VASH2: variants seen among roughly 807,000 people sequenced by gnomAD.
VASH2 encodes the protein vasohibin 2.
VASH2 carries 28 observed loss-of-function variants against 37.2 expected under a neutral mutation model. The observed-to-expected ratio is 0.75, with a 90% CI of 0.56 to 1.03. The LOEUF (loss-of-function observed/expected upper bound fraction) is 1.03, where lower values mean the gene tolerates loss of function less well. VASH2 is among the 50% of genes least tolerant of loss of function. The pLI is 0.00. For synonymous variants in VASH2, 188 were observed against 174.7 expected (o/e 1.08, Z -0.60); for missense variants, 419 against 459.1 (o/e 0.91, Z 0.80).
At chr1:212,954,782 G>A (rs1049025823) in intron 2 of VASH2, among the ~76,000 whole-genome samples, 4 of 152,142 alleles carry the variant, frequency 2.6e-5, no homozygotes, top group Non-Finnish European at 5.9e-5. Flanking sequence ...AGAAGGTTAC[G>A]CGAAAACTGC....
intron 5 of VASH2, chr1:212,967,365 A>G: frequency 1.7e-6 from 2 of 1,210,706 alleles, no homozygotes; most frequent in Non-Finnish European, 2.1e-6. Context: ...ACAGCCTTTG[A>G]GCCTGATCTG....
chr1:212,959,738 A>T (rs1666613012), intron 2 of VASH2, among the ~76,000 whole-genome samples: 1 of 152,342 alleles, frequency 6.6e-6, no homozygotes, highest in South Asian at 2.1e-4. Context: ...AGCCTTAGGC[A>T]GTGTCTGCCT....
Position 212,974,020 on chromosome 1 carries a change from C to T in VASH2, c.945C>T (p.Pro315=), listed in dbSNP as rs148629907. 3 of 1,613,786 alleles carry T rather than the reference C, an allele frequency of 1.9e-6. No individual in the cohort carries two copies. The highest frequency in any genetic ancestry group is 2.7e-5 in the African/African-American group (2 of 74,906). Residue 315 remains proline, a synonymous_variant, in exon 7 of 8, where the codon CCC becomes CCT. Coordinates refer to ENST00000517399, the MANE Select transcript of VASH2 (RefSeq NM_001301056.2). ...QVRSRGKSLS[P]RRRQASPPRR... The stretch of plus-strand genomic sequence containing the variant: ...GAAGCCGGGGAAAATCCCTGTCCCC[C>T]AGAAGGAGACAGGCAAGCCCCCCGA...
chr1:212,961,319 G>A, intron 3 of VASH2, 65 bp downstream of exon 3: 1 of 1,610,992 alleles, frequency 6.2e-7, no homozygotes, highest in Non-Finnish European at 8.5e-7. Flanking sequence ...CGCAAGCCTG[G>A]TGGCAAATCT....
intron 5 of VASH2, chr1:212,967,424 A>G (rs1666884938): frequency 8.4e-7 from 1 of 1,186,964 alleles, no homozygotes; most frequent in Non-Finnish European, 1.1e-6. Flanking sequence ...TATGGGATGG[A>G]TGGCTGTAAG....
chr1:212,985,910 G>C (rs1304235678), intron 7 of VASH2, among the ~76,000 whole-genome samples: 1 of 152,218 alleles, frequency 6.6e-6, no homozygotes, highest in African/African-American at 2.4e-5. Flanking sequence ...TGGGTACAGG[G>C]AGGCTGGAAG....
In VASH2 at chr1:212,990,853, T is replaced by G. The variant is rs2075851837; in HGVS notation, c.*2269T>G. 1 of 151,832 alleles carries G rather than the reference T, an allele frequency of 6.6e-6. No homozygotes were observed. 9.4% of individuals were successfully genotyped at this position (151,832 alleles called of 1,614,324 possible). ...ATTGCCTATGGAATATGCTAATTTC[T>G]AAAAAAAATACGGGAGAGGCACCAA... On this transcript the variant is annotated 3_prime_UTR_variant, in exon 8 of 8. Coordinates refer to ENST00000517399, the MANE Select transcript of VASH2 (RefSeq NM_001301056.2).
In VASH2 at chr1:212,974,020, C is replaced by G. The variant is rs148629907; in HGVS notation, c.945C>G (p.Pro315=). The change falls in exon 7 of 8, where the codon CCC becomes CCG. Residue 315 remains proline, a synonymous_variant. Transcript: ENST00000517399. ...GAAGCCGGGGAAAATCCCTGTCCCCCAGAAGGAGACAGGCAAGCCCCCCGA... is the reference window on the plus strand; with the variant it reads ...GAAGCCGGGGAAAATCCCTGTCCCCGAGAAGGAGACAGGCAAGCCCCCCGA... ...QVRSRGKSLS[P]RRRQASPPRR... 3 of 1,613,904 alleles carry G rather than the reference C, an allele frequency of 1.9e-6. No individual in the cohort carries two copies. The highest frequency in any genetic ancestry group is 1.7e-6 in the Non-Finnish European group (2 of 1,179,930).
intron 7 of VASH2, among the ~76,000 whole-genome samples, chr1:212,977,456 A>G (rs1390368603): frequency 6.6e-6 from 1 of 152,168 alleles, no homozygotes; most frequent in East Asian, 1.9e-4. Context: ...ATGAGTGTTC[A>G]AGAGCAAAGG....
Position 212,961,200 on chromosome 1 carries a change from C to G in VASH2, c.311C>G (p.Ser104Trp), listed in dbSNP as rs751836238. The G allele has an allele frequency of 6.2e-7, 1 of 1,614,064 alleles. No individual in the cohort carries two copies. The highest frequency in any genetic ancestry group is 8.5e-7 in the Non-Finnish European group (1 of 1,180,040). Residue 104 changes from serine (S) to tryptophan (W), a missense_variant, in exon 3 of 8, where the codon TCG becomes TGG. Physicochemically the swap from Ser to Trp is radical, Grantham distance 177 (BLOSUM62 -3). Around this residue, in one of 3 missense-constraint regions of VASH2, gnomAD observed 158 missense variants for 163.0 expected, o/e 0.97. Transcript: ENST00000517399. Reference sequence around the variant, plus strand: ...CCCCAGGTCCCAAACTACAGGCTGTCGATGACGATCCCAGACTGGCTCCAG... The same window carrying G: ...CCCCAGGTCCCAAACTACAGGCTGTGGATGACGATCCCAGACTGGCTCCAG... ...SIPQVPNYRL[S>W]MTIPDWLQAI...
At chr1:212,973,778 A>G in intron 6 of VASH2, 177 bp from the exon 7 acceptor site, 1 of 1,389,216 alleles carries the variant, frequency 7.2e-7, no homozygotes, top group Non-Finnish European at 9.4e-7. Flanking sequence ...TTGACAGTAC[A>G]GGACGAGAGA....
chr1:212,979,896 A>G (rs1440447248), intron 7 of VASH2, among the ~76,000 whole-genome samples: 1 of 152,224 alleles, frequency 6.6e-6, no homozygotes, highest in African/African-American at 2.4e-5. Context: ...CTGTGAACTT[A>G]AACCAACTCC....
In VASH2 at chr1:212,951,535, G is replaced by A. The variant is rs1206243090; in HGVS notation, c.-8G>A. On this transcript the variant is annotated 5_prime_UTR_variant, in exon 2 of 8. Coordinates refer to ENST00000517399, the MANE Select transcript of VASH2 (RefSeq NM_001301056.2). The surrounding 1 kb of genome is among the most constrained non-coding windows in gnomAD (Gnocchi z 4.4). ...CCCCAGTACCTCGCTCCCCGCCCAGGCCCCACCATGACCGGCTCCGCGGCC... is the reference window on the plus strand; with the variant it reads ...CCCCAGTACCTCGCTCCCCGCCCAGACCCCACCATGACCGGCTCCGCGGCC... 6.7e-7 allele frequency: 1 copy of A among 1,489,828 alleles called. No individual in the cohort carries two copies. Among genetic ancestry groups the A allele is most frequent in the Non-Finnish European group, 8.9e-7 (1 of 1,119,570 alleles). The allele number at this position is 1,489,828 out of a possible 1,614,324, so 92.3% of individuals were successfully genotyped here.
intron 3 of VASH2, 158 bp downstream of exon 3, chr1:212,961,412 T>C (rs1666673353): frequency 6.8e-7 from 1 of 1,477,878 alleles, no homozygotes; most frequent in Admixed American, 2.3e-5. Flanking sequence ...CTAGAAAGAG[T>C]GTGCGTGGAG....
At chr1:212,952,035 A>G (rs1045952025) in intron 2 of VASH2, among the ~76,000 whole-genome samples, 1 of 152,190 alleles carries the variant, frequency 6.6e-6, no homozygotes, top group Non-Finnish European at 1.5e-5. Context: ...CGGGCTTGCT[A>G]TCCTGGGACT....
chr1:212,961,073 C>T (rs1171916337), intron 2 of VASH2, 93 bp from the exon 3 acceptor site: 7 of 1,242,656 alleles, frequency 5.6e-6, no homozygotes, highest in Non-Finnish European at 8.2e-6. Context: ...GAGCACCTCT[C>T]TCTCTGGTGG....
chr1:212,967,118 C>T (rs2102636675), intron 5 of VASH2: 1 of 1,304,496 alleles, frequency 7.7e-7, no homozygotes, highest in Admixed American at 2.3e-5. Flanking sequence ...TGACAGAACC[C>T]ACAGCTAAAA....
chr1:212,988,457 GTCTT>G, intron 7 of VASH2, 51 bp from the exon 8 acceptor site: 1 of 1,576,340 alleles, frequency 6.3e-7, no homozygotes, highest in South Asian at 1.1e-5. Context: ...AAATGCTGTT[GTCTT>G]TCTTTGCCCC....
chr1:212,972,599 C>T lies in VASH2; in HGVS notation c.517C>T (p.Pro173Ser), dbSNP rs1206013839. The T allele has an allele frequency of 1.2e-6, 2 of 1,613,758 alleles. No individual in the cohort carries two copies. The highest frequency in any genetic ancestry group is 1.7e-6 in the Non-Finnish European group (2 of 1,180,002). ...TCTAAGCTACTTAACCAATGGGCAG[C>T]CTTCCATTGAGCGGTTCCCCATCAG... ...ILGIYLTNGQPSIERFPISFK... is the reference protein window; with the variant it reads ...ILGIYLTNGQSSIERFPISFK... The change falls in exon 6 of 8, where the codon CCT becomes TCT. Residue 173 changes from proline to serine, a missense_variant. Coordinates refer to ENST00000517399, the MANE Select transcript of VASH2 (RefSeq NM_001301056.2).
Sources: allele counts gnomAD v4.1 joint callset (sites outside exome capture counted in the v4.1 genomes callset), GRCh38; gene constraint gnomAD v4.1.1; regional missense constraint gnomAD v4.1.1; non-coding constraint Gnocchi (gnomAD v3.1); transcripts MANE v1.5; gene names NCBI Gene and HGNC (gene_info 2026-07-23, HGNC 2026-07-21).